Variants in MKX observed in about 807,000 individuals in gnomAD.
MKX encodes homeobox protein Mohawk.
MKX carries 13 observed loss-of-function variants against 36.0 expected under a neutral mutation model. The ratio of observed to expected loss-of-function variants is 0.36; its 90% CI spans 0.24 to 0.57. The LOEUF is 0.57. Ranked by LOEUF, MKX falls within the 20% of genes least tolerant of loss-of-function variation. MKX has a pLI of 0.79. For missense variants in MKX, 458 were observed against 456.4 expected, an observed-to-expected ratio of 1.00 and a Z score of -0.03; for synonymous variants, 176 against 178.3, an observed-to-expected ratio of 0.99 and a Z score of 0.10.
intron 5 of MKX, among the ~76,000 whole-genome samples, chr10:27,714,892 A>T (rs1836936520): frequency 2.6e-5 from 4 of 152,238 alleles, no homozygotes; most frequent in Non-Finnish European, 5.9e-5. Context: ...GTGGATTTAC[A>T]GAGTGATGTG....
intron 5 of MKX, among the ~76,000 whole-genome samples, chr10:27,720,492 C>T (rs191354449): frequency 1.3e-5 from 2 of 152,178 alleles, no homozygotes; most frequent in East Asian, 1.9e-4. Context: ...AAATGTACTA[C>T]TGTAAATAAC....
At chr10:27,679,091 T>C (rs1042791796) in intron 5 of MKX, among the ~76,000 whole-genome samples, 2 of 151,580 alleles carry the variant, frequency 1.3e-5, no homozygotes, top group African/African-American at 4.9e-5. Context: ...CAGAAAAAAA[T>C]CATCTTACAT....
chr10:27,694,527 A>ATATATAT (rs1554770421), intron 5 of MKX, among the ~76,000 whole-genome samples: 29 of 114,332 alleles, frequency 2.5e-4, no homozygotes, highest in East Asian at 1.5e-3. Flanking sequence ...AAAAAAAAAA[A>ATATATAT]ATATATATAT....
Position 27,741,599 on chromosome 10 carries a change from C to T in MKX, c.189-95G>A. On this transcript the variant is annotated intron_variant, in intron 2 of 6. Coordinates refer to ENST00000419761, the MANE Select transcript of MKX (RefSeq NM_173576.3). This position sits in a 1 kb window ranked among gnomAD's most constrained non-coding sequence, Gnocchi z 5.1. ...GCCAAGCCCGGGCCCCGCATCCAAA[C>T]TGCGCATTCCTGCCTTGCGCCCCTG... 7.3e-7 allele frequency: 1 copy of T among 1,376,568 alleles called. No homozygotes were observed. Among genetic ancestry groups the T allele is most frequent in the Non-Finnish European group, 9.6e-7 (1 of 1,040,352 alleles). 85.3% of individuals were successfully genotyped at this position (1,376,568 alleles called of 1,614,324 possible). A position where few individuals can be genotyped will look rare whatever the true frequency, so the allele number is the denominator to read the frequency against.
chr10:27,708,783 G>A (rs1459489142), intron 5 of MKX, among the ~76,000 whole-genome samples: 1 of 150,564 alleles, frequency 6.6e-6, no homozygotes, highest in Non-Finnish European at 1.5e-5. Flanking sequence ...GGATGAATGA[G>A]ACAAATCTAT....
chr10:27,716,757 T>C (rs1036330803), intron 5 of MKX, among the ~76,000 whole-genome samples: 1 of 152,192 alleles, frequency 6.6e-6, no homozygotes, highest in Admixed American at 6.5e-5. Context: ...GGGCCAAACC[T>C]TACCCAAATC....
At position 27,741,336 on chromosome 10, in the gene MKX, C is replaced by T. The variant is rs1288851080; in HGVS notation, c.348+9G>A. 3 of 1,612,256 alleles carry T rather than the reference C, an allele frequency of 1.9e-6. No homozygotes were observed. The South Asian group carries it at 3.3e-5, about 18-fold the overall frequency. Reference sequence around the variant, plus strand: ...AAAACGGATCAGGGTGTTAATGGGTCCTGATTACCTGCACTAGCGTCATCT... The same window carrying T: ...AAAACGGATCAGGGTGTTAATGGGTTCTGATTACCTGCACTAGCGTCATCT... On this transcript the variant is annotated intron_variant, in intron 3 of 6. Coordinates refer to ENST00000419761, the MANE Select transcript of MKX (RefSeq NM_173576.3). The surrounding 1 kb of genome is among the most constrained non-coding windows in gnomAD (Gnocchi z 5.1).
chr10:27,734,826 T>C, intron 4 of MKX, 35 bp from the exon 5 acceptor site: 11 of 1,433,764 alleles, frequency 7.7e-6, no homozygotes, highest in Non-Finnish European at 9.4e-6. Flanking sequence ...TAGGGTGGTA[T>C]GCATACTTTC....
At position 27,741,332 on chromosome 10, in the gene MKX, GGGTCCTGATT is replaced by G; in HGVS notation, c.348+3_348+12del. 1 of 1,610,932 alleles carries G rather than the reference GGGTCCTGATT, an allele frequency of 6.2e-7. No homozygotes were observed. The highest frequency in any genetic ancestry group is 8.5e-7 in the Non-Finnish European group (1 of 1,178,760). ...CGGGAAAACGGATCAGGGTGTTAAT[GGGTCCTGATT>G]ACCTGCACTAGCGTCATCTGCGAGC... On this transcript the variant is annotated splice_donor_5th_base_variant and intron_variant, in intron 3 of 6. Coordinates refer to ENST00000419761, the MANE Select transcript of MKX (RefSeq NM_173576.3). This position sits in a 1 kb window ranked among gnomAD's most constrained non-coding sequence, Gnocchi z 5.1.
chr10:27,679,664 T>C (rs1836217829), intron 5 of MKX, among the ~76,000 whole-genome samples: 1 of 152,036 alleles, frequency 6.6e-6, no homozygotes, highest in East Asian at 1.9e-4. Flanking sequence ...GATCTGGGAG[T>C]CTGGGGAGTT....
At chr10:27,729,737 T>C (rs1834582524) in intron 5 of MKX, among the ~76,000 whole-genome samples, 2 of 152,146 alleles carry the variant, frequency 1.3e-5, no homozygotes, top group Non-Finnish European at 2.9e-5. Flanking sequence ...CCTGATTTAC[T>C]CTTTCTTAGA....
At chr10:27,682,624 G>A (rs1836273842) in intron 5 of MKX, among the ~76,000 whole-genome samples, 1 of 152,170 alleles carries the variant, frequency 6.6e-6, no homozygotes, top group African/African-American at 2.4e-5. Context: ...CAGGGATGGG[G>A]GTGCGTTTCA....
intron 5 of MKX, among the ~76,000 whole-genome samples, chr10:27,714,193 A>C (rs1404034033): frequency 6.6e-6 from 1 of 152,130 alleles, no homozygotes; most frequent in Non-Finnish European, 1.5e-5. Context: ...CTTCTGCTAC[A>C]GTTATAATTT....
At chr10:27,689,996 C>T (rs186665636) in intron 5 of MKX, among the ~76,000 whole-genome samples, 1 of 152,276 alleles carries the variant, frequency 6.6e-6, no homozygotes, top group Non-Finnish European at 1.5e-5. Flanking sequence ...ATTCCGATGG[C>T]ATACAGATCC....
At chr10:27,676,945 A>G (rs1315092101) in intron 5 of MKX, among the ~76,000 whole-genome samples, 2 of 152,190 alleles carry the variant, frequency 1.3e-5, no homozygotes, top group East Asian at 3.9e-4. Flanking sequence ...CCAACACCAC[A>G]TAAATATAAA....
chr10:27,741,927 A>G lies in MKX; in HGVS notation c.189-423T>C, dbSNP rs1305206131. The stretch of plus-strand genomic sequence containing the variant: ...CTGGCTCTCGAAACTTCCCTCGGGG[A>G]TCTCTTGTCTGCTCCCAGAGGCTTT... On this transcript the variant is annotated intron_variant, in intron 2 of 6. Coordinates refer to ENST00000419761, the MANE Select transcript of MKX (RefSeq NM_173576.3). This position sits in a 1 kb window ranked among gnomAD's most constrained non-coding sequence, Gnocchi z 5.1. Among the ~76,000 whole-genome samples the G allele has an allele frequency of 1.3e-5, 2 of 152,002 alleles. No individual in the cohort carries two copies. The highest frequency in any genetic ancestry group is 2.9e-5 in the Non-Finnish European group (2 of 68,022).
chr10:27,719,028 T>C (rs1292884640), intron 5 of MKX, among the ~76,000 whole-genome samples: 3 of 152,210 alleles, frequency 2.0e-5, no homozygotes, highest in Non-Finnish European at 4.4e-5. Flanking sequence ...TAAAAGTCTG[T>C]GTTATAGAAT....
chr10:27,735,481 A>G (rs1834739733), intron 3 of MKX, 107 bp from the exon 4 acceptor site: 1 of 826,624 alleles, frequency 1.2e-6, no homozygotes. Context: ...TGATCATTAA[A>G]TATTCTCAGG....
At chr10:27,737,797 GACTAACCTTAAATCTTA>G (rs998030075) in intron 3 of MKX, among the ~76,000 whole-genome samples, 10 of 152,028 alleles carry the variant, frequency 6.6e-5, no homozygotes, top group African/African-American at 2.2e-4. Flanking sequence ...ATATAATTCA[GACTAACCTTAAATCTTA>G]ACTAACCTTA....
Sources: gnomAD v4.1 joint callset for allele counts (sites outside exome capture counted in the v4.1 genomes callset) on GRCh38, gnomAD v4.1.1 for gene constraint, Gnocchi (gnomAD v3.1) non-coding constraint, MANE v1.5 for transcripts, NCBI Gene and HGNC (gene_info 2026-07-23, HGNC 2026-07-21) for gene names.